NUP98: variants seen among roughly 807,000 people sequenced by gnomAD.
NUP98 encodes the protein nucleoporin 98 and 96 precursor.
In NUP98, 26 loss-of-function variants were observed where a neutral mutation model predicts 191.9. The observed-to-expected ratio is 0.14, with a 90% CI of 0.10 to 0.19. The LOEUF (loss-of-function observed/expected upper bound fraction) is 0.19. Among genes scored for constraint, NUP98 ranks in the 10% least tolerant of loss-of-function variants. The probability of loss-of-function intolerance (pLI) is 1.00; values close to 1 mark genes in which losing one functional copy is unlikely to be tolerated. For missense variants in NUP98, 1,941 were observed against 2,178.8 expected, an observed-to-expected ratio of 0.89 and a Z score of 2.17; for synonymous variants, 808 against 778.4, an observed-to-expected ratio of 1.04 and a Z score of -0.63.
chr11:3,723,288 A>G lies in NUP98; in HGVS notation c.2015T>C (p.Val672Ala), dbSNP rs558735824. 1.2e-6 allele frequency: 2 copies of G among 1,614,200 alleles called. No individual in the cohort carries two copies. The highest frequency in any genetic ancestry group is 2.7e-5 in the African/African-American group (2 of 75,054). ...CAAAGCAGCACGCATGTTTAATGCA[A>G]CAATGGTATCATCCACACTGTTGCT... ...SNSNSVDDTI[V>A]ALNMRAALRN... The change falls in exon 16 of 33, where the codon GTT becomes GCT. Residue 672 changes from valine (V) to alanine (A), a missense_variant. This residue lies in a region of NUP98 where 453 missense variants were observed against 438.2 expected (regional missense o/e 1.03). Transcript: ENST00000324932.
chr11:3,695,655 T>G (rs2078479048), intron 25 of NUP98, 49 bp from the exon 26 acceptor site: 1 of 1,288,446 alleles, frequency 7.8e-7, no homozygotes, highest in African/African-American at 1.5e-5. Context: ...GTTTATGGAC[T>G]TCGTCAAACA....
At chr11:3,713,658 G>A (rs2079087028) in intron 19 of NUP98, among the ~76,000 whole-genome samples, 160 bp downstream of exon 19, 2 of 152,190 alleles carry the variant, frequency 1.3e-5, no homozygotes, top group South Asian at 2.1e-4. Context: ...ATTTGAGGCT[G>A]CAGGGAGCTA....
At chr11:3,780,372 TAAA>T (rs770071322) in intron 2 of NUP98, among the ~76,000 whole-genome samples, 2 of 89,444 alleles carry the variant, frequency 2.2e-5, no homozygotes, top group African/African-American at 4.3e-5. Context: ...CCACTTAAAA[TAAA>T]AAAAAAAAAA....
chr11:3,713,024 TCA>T (rs1239656622), intron 19 of NUP98, among the ~76,000 whole-genome samples: 3 of 152,246 alleles, frequency 2.0e-5, no homozygotes, highest in African/African-American at 7.2e-5. Context: ...GTTATTATTT[TCA>T]CAGACATATA....
At chr11:3,697,250 A>G (rs2134086547) in intron 25 of NUP98, 1 of 152,284 alleles carries the variant, frequency 6.6e-6, no homozygotes. Flanking sequence ...TCTCTATTTA[A>G]AAAATAAAAA....
intron 8 of NUP98, 90 bp from the exon 9 acceptor site, chr11:3,763,129 C>A: frequency 8.0e-7 from 1 of 1,252,998 alleles, no homozygotes; most frequent in Non-Finnish European, 1.1e-6. Flanking sequence ...ACCATTTTTT[C>A]AAGCTTATAT....
chr11:3,753,108 A>C (rs1474704711), intron 11 of NUP98, among the ~76,000 whole-genome samples: 1 of 152,232 alleles, frequency 6.6e-6, no homozygotes, highest in Non-Finnish European at 1.5e-5. Flanking sequence ...TTTTGTAGAA[A>C]AGGGAGCATA....
At position 3,702,313 on chromosome 11, in the gene NUP98, A is replaced by ACTCT. The variant is rs71041375; in HGVS notation, c.3512+146_3512+149dup. 397 of 348,826 alleles carry ACTCT rather than the reference A, an allele frequency of 1.1e-3. 1 individual carries two copies. The highest frequency in any genetic ancestry group is 3.3e-3 in the Middle Eastern group (4 of 1,216). The allele number at this position is 348,826 out of a possible 1,614,324, so 21.6% of individuals were successfully genotyped here. ...CACACACACACACACACACACACAC[A>ACTCT]CTCTCTCTCTCTCTCTCTCTCTCTC... On this transcript the variant is annotated intron_variant, in intron 23 of 32. Coordinates refer to ENST00000324932, the MANE Select transcript of NUP98 (RefSeq NM_016320.5).
At position 3,723,444 on chromosome 11, in the gene NUP98, A is replaced by G; in HGVS notation, c.1859T>C (p.Leu620Pro). Residue 620 changes from leucine (L) to proline (P), a missense_variant, in exon 16 of 33, where the codon CTA becomes CCA. Leu to Pro is a moderately conservative substitution (Grantham distance 98). Around this residue, in one of 6 missense-constraint regions of NUP98, gnomAD observed 453 missense variants for 438.2 expected, o/e 1.03. Coordinates refer to ENST00000324932, the MANE Select transcript of NUP98 (RefSeq NM_016320.5). ...YPENGERFSF[L>P]SKPVDENHQQ... The stretch of plus-strand genomic sequence containing the variant: ...GTGATTCTCATCAACAGGTTTGCTT[A>G]GGAAACTAAATCTGCAAAGGAAAAG... 1 of 1,613,426 alleles carries G rather than the reference A, an allele frequency of 6.2e-7. No homozygotes were observed. Among genetic ancestry groups the G allele is most frequent in the South Asian group, 1.1e-5 (1 of 91,064 alleles).
chr11:3,694,059 C>T (rs1475793829), intron 26 of NUP98, among the ~76,000 whole-genome samples: 3 of 143,506 alleles, frequency 2.1e-5, no homozygotes, highest in African/African-American at 5.4e-5. Context: ...GGTGAAACCC[C>T]GTTTCTATTA....
At chr11:3,753,105 G>C (rs944513781) in intron 11 of NUP98, among the ~76,000 whole-genome samples, 18 of 152,172 alleles carry the variant, frequency 1.2e-4, no homozygotes, top group Non-Finnish European at 2.5e-4. Flanking sequence ...ACATTTTGTA[G>C]AAAAGGGAGC....
chr11:3,695,437 A>G lies in NUP98; in HGVS notation c.4167+12T>C, dbSNP rs2078470236. The G allele has an allele frequency of 1.3e-6, 2 of 1,529,488 alleles. No homozygotes were observed. Among genetic ancestry groups the G allele is most frequent in the Admixed American group, 2.1e-5 (1 of 47,092 alleles). 94.7% of individuals were successfully genotyped at this position (1,529,488 alleles called of 1,614,324 possible). ...AACCAATGTGAGATATTATGGTAAA[A>G]GTAGAAGATACCGGTTTTCCAGCCA... is the stretch of plus-strand genomic sequence containing the variant. On this transcript the variant is annotated intron_variant, in intron 26 of 32. Transcript: ENST00000324932.
At chr11:3,778,186 G>A (rs553354896) in intron 4 of NUP98, among the ~76,000 whole-genome samples, 5 of 124,064 alleles carry the variant, frequency 4.0e-5, no homozygotes, top group East Asian at 4.8e-4. Flanking sequence ...GTGACAGAGC[G>A]AGACTCCATC....
At chr11:3,694,361 ACT>A (rs967979445) in intron 26 of NUP98, among the ~76,000 whole-genome samples, 27 of 151,402 alleles carry the variant, frequency 1.8e-4, no homozygotes, top group African/African-American at 6.1e-4. Context: ...TAAGAGCGAA[ACT>A]CTATCTCAAA....
Position 3,710,208 on chromosome 11 carries a change from T to C in NUP98, c.2742+2356A>G, listed in dbSNP as rs115240292. ...GGGCATTGATGCAGCCAGCTGGAAATTGGATCCCAGACCAGGATTTTGAAA... is the reference window on the plus strand; with the variant it reads ...GGGCATTGATGCAGCCAGCTGGAAACTGGATCCCAGACCAGGATTTTGAAA... On this transcript the variant is annotated intron_variant, in intron 20 of 32. Coordinates refer to ENST00000324932, the MANE Select transcript of NUP98 (RefSeq NM_016320.5). Among the ~76,000 whole-genome samples the C allele has an allele frequency of 1.3e-4, 20 of 152,122 alleles. No individual in the cohort carries two copies. The East Asian group carries it at 1.5e-3, about 12-fold the overall frequency.
Position 3,780,516 on chromosome 11 carries a change from T to G in NUP98, c.77-1259A>C, listed in dbSNP as rs1368446140. 4.0e-5 allele frequency among the ~76,000 whole-genome samples: 5 copies of G among 125,266 alleles called. No individual in the cohort carries two copies. In the Admixed American group the frequency reaches 5.3e-4, roughly 13 times the overall value. The allele number at this position is 125,266 out of a possible 152,430, so 82.2% of individuals were successfully genotyped here. A position where few individuals can be genotyped will look rare whatever the true frequency, so the allele number is the denominator to read the frequency against. ...GAGATCGCACCACCGCACTCCATCC[T>G]GGGTGACAGAGCGAGACTCCATCTC... On this transcript the variant is annotated intron_variant, in intron 2 of 32. Coordinates refer to ENST00000324932, the MANE Select transcript of NUP98 (RefSeq NM_016320.5).
chr11:3,776,850 C>G (rs1564917136), intron 4 of NUP98, among the ~76,000 whole-genome samples: 1 of 152,106 alleles, frequency 6.6e-6, no homozygotes, highest in Admixed American at 6.6e-5. Context: ...TCAAGTGAAA[C>G]AAAGTCTGAA....
intron 12 of NUP98, among the ~76,000 whole-genome samples, chr11:3,736,076 TTGTGTGTG>T (rs34834363): frequency 3.9e-5 from 5 of 129,506 alleles, no homozygotes; most frequent in Middle Eastern, 4.2e-3. Context: ...ACAGCTAATT[TTGTGTGTG>T]TGTGTGTGTG....
chr11:3,760,201 A>C (rs1039398105), intron 10 of NUP98: 30 of 299,876 alleles, frequency 1.0e-4, no homozygotes, highest in African/African-American at 5.8e-4. Flanking sequence ...GTATGCTACC[A>C]CAGGTTTGAA....
Sources: gnomAD v4.1 joint callset for allele counts (sites outside exome capture counted in the v4.1 genomes callset) on GRCh38, gnomAD v4.1.1 for gene constraint, gnomAD v4.1.1 regional missense constraint, MANE v1.5 for transcripts, NCBI Gene and HGNC (gene_info 2026-07-23, HGNC 2026-07-21) for gene names.